CCDC102B: variants seen among roughly 807,000 people sequenced by gnomAD.
The protein encoded by CCDC102B is coiled-coil domain containing 102B, also known as coiled-coil domain-containing protein 102B.
A neutral mutation model predicts 57.4 loss-of-function variants in CCDC102B; 75 were observed. That is an observed-to-expected ratio of 1.31 (90% confidence interval 1.08 to 1.58). The LOEUF (loss-of-function observed/expected upper bound fraction) is 1.58, where lower values mean the gene tolerates loss of function less well. Among genes scored for constraint, CCDC102B ranks in the 40% most tolerant of loss-of-function variants. The probability of loss-of-function intolerance (pLI) is 0.00; values close to 1 mark genes in which losing one functional copy is unlikely to be tolerated. For synonymous variants in CCDC102B, 206 were observed against 201.9 expected, an observed-to-expected ratio of 1.02 and a Z score of -0.17; for missense variants, 636 against 582.6, an observed-to-expected ratio of 1.09 and a Z score of -0.94.
chr18:69,034,648 G>A (rs1440975499), intron 7 of CCDC102B, among the ~76,000 whole-genome samples: 2 of 151,654 alleles, frequency 1.3e-5, no homozygotes, highest in Non-Finnish European at 2.9e-5. Flanking sequence ...ATTAACAAAT[G>A]TGAGTTATCC....
intron 6 of CCDC102B, among the ~76,000 whole-genome samples, chr18:68,978,473 C>A (rs186320921): frequency 6.8e-4 from 103 of 151,996 alleles, no homozygotes; most frequent in African/African-American, 2.4e-3. Flanking sequence ...TAGGGTAAGA[C>A]TTTAGGTGTC....
At chr18:68,830,025 T>A (rs547924134) in intron 1 of CCDC102B, among the ~76,000 whole-genome samples, 43 of 152,130 alleles carry the variant, frequency 2.8e-4, no homozygotes, top group African/African-American at 1.0e-3. Flanking sequence ...AATTATTTCA[T>A]AGAGTGATTT....
At chr18:68,930,298 A>T (rs924498857) in intron 6 of CCDC102B, among the ~76,000 whole-genome samples, 7 of 149,860 alleles carry the variant, frequency 4.7e-5, no homozygotes, top group African/African-American at 1.7e-4. Context: ...TAATACATAC[A>T]TATACTACGT....
chr18:68,756,718 G>A (rs2034063347), intron 2 of CCDC102B, among the ~76,000 whole-genome samples: 1 of 152,142 alleles, frequency 6.6e-6, no homozygotes, highest in Admixed American at 6.5e-5. Context: ...AGGTATTGAA[G>A]TATTACTTCT....
intron 1 of CCDC102B, 48 bp downstream of exon 1, chr18:68,798,229 T>C (rs2035703133): frequency 6.6e-6 from 1 of 152,154 alleles, no homozygotes; most frequent in African/African-American, 2.4e-5. Flanking sequence ...TTTTTATATT[T>C]TCCTGCTGAG....
At chr18:68,742,834 C>G (rs2033448743) in intron 2 of CCDC102B, among the ~76,000 whole-genome samples, 1 of 152,130 alleles carries the variant, frequency 6.6e-6, no homozygotes, top group African/African-American at 2.4e-5. Flanking sequence ...CAGTAATCAT[C>G]TTTGAACTCT....
intron 6 of CCDC102B, chr18:68,907,937 T>C (rs1183542653): frequency 6.6e-6 from 1 of 152,228 alleles, no homozygotes; most frequent in Non-Finnish European, 1.5e-5. Flanking sequence ...ATATGTCATC[T>C]ACTATGTTGA....
At chr18:68,921,877 G>A (rs4891350) in intron 6 of CCDC102B, among the ~76,000 whole-genome samples, 42,713 of 152,026 alleles carry the variant, frequency 0.28, 7,003 homozygotes, top group Non-Finnish European at 0.37. Context: ...TAATAAATTT[G>A]TATTGTTTAA....
chr18:68,772,560 A>G (rs1310215382), intron 2 of CCDC102B, among the ~76,000 whole-genome samples: 2 of 152,128 alleles, frequency 1.3e-5, no homozygotes, highest in Non-Finnish European at 2.9e-5. Flanking sequence ...CTGGACTCTT[A>G]AGAAACGAGA....
At position 68,857,294 on chromosome 18, in the gene CCDC102B, T is replaced by TTAA. The variant is rs1568292941; in HGVS notation, c.936+10873_936+10874insTAA. Among the ~76,000 whole-genome samples the TTAA allele has an allele frequency of 3.1e-4, 5 of 16,276 alleles. 1 individual carries two copies. The highest frequency in any genetic ancestry group is 1.2e-3 in the African/African-American group (5 of 4,194). 10.7% of individuals were successfully genotyped at this position (16,276 alleles called of 152,430 possible). A position where few individuals can be genotyped will look rare whatever the true frequency, so the allele number is the denominator to read the frequency against. ...ATATATATAATATATATTTATATAT[T>TTAA]ATATATATAATATATATTTATATAT... On this transcript the variant is annotated intron_variant, in intron 4 of 7. Coordinates refer to ENST00000360242, the MANE Select transcript of CCDC102B (RefSeq NM_024781.3).
At chr18:68,856,873 A>G (rs374427240) in intron 4 of CCDC102B, among the ~76,000 whole-genome samples, 2 of 149,820 alleles carry the variant, frequency 1.3e-5, no homozygotes, top group African/African-American at 2.5e-5. Context: ...TGTTTTTTAT[A>G]TATACACATA....
At chr18:68,738,263 G>A (rs1414294306) in intron 2 of CCDC102B, among the ~76,000 whole-genome samples, 3 of 152,056 alleles carry the variant, frequency 2.0e-5, no homozygotes, top group Non-Finnish European at 4.4e-5. Flanking sequence ...GATCCTATGT[G>A]AGCAGAGTAG....
intron 2 of CCDC102B, among the ~76,000 whole-genome samples, chr18:68,790,202 T>G (rs1330847601): frequency 3.3e-5 from 5 of 151,364 alleles, no homozygotes; most frequent in East Asian, 1.9e-4. Context: ...GATCTCCAGC[T>G]GTGTGCTGGG....
chr18:68,902,326 G>A (rs1262820505), intron 6 of CCDC102B: 3 of 152,104 alleles, frequency 2.0e-5, no homozygotes, highest in Non-Finnish European at 4.4e-5. Flanking sequence ...TCAAGCTCAT[G>A]TTCCTGTAAG....
intron 2 of CCDC102B, among the ~76,000 whole-genome samples, chr18:68,784,255 C>A (rs1357472728): frequency 1.3e-5 from 2 of 152,080 alleles, no homozygotes; most frequent in East Asian, 1.9e-4. Context: ...AGCTTCCAGT[C>A]ATGGCAGAAG....
rs1486908525 is a variant in CCDC102B, at chr18:68,956,470, T to TA, written c.1264-54463dup. On this transcript the variant is annotated intron_variant, in intron 6 of 7. Coordinates refer to ENST00000360242, the MANE Select transcript of CCDC102B (RefSeq NM_024781.3). ...ATATATATTATATATTTTATATATA[T>TA]ATTATATATATATAATATATATATA... 2.7e-4 allele frequency among the ~76,000 whole-genome samples: 19 copies of TA among 71,392 alleles called. 4 individuals carry two copies. Among genetic ancestry groups the TA allele is most frequent in the African/African-American group, 1.6e-3 (18 of 11,416 alleles). The allele number at this position is 71,392 out of a possible 152,430, so 46.8% of individuals were successfully genotyped here.
intron 6 of CCDC102B, among the ~76,000 whole-genome samples, chr18:68,936,747 A>G (rs2049248127): frequency 7.3e-5 from 2 of 27,496 alleles, no homozygotes; most frequent in African/African-American, 1.2e-4. Flanking sequence ...GACAACTTTC[A>G]TATATATATA....
At chr18:69,027,487 T>C (rs148778223) in intron 7 of CCDC102B, among the ~76,000 whole-genome samples, 6 of 152,312 alleles carry the variant, frequency 3.9e-5, no homozygotes, top group African/African-American at 1.4e-4. Flanking sequence ...AAATTTTCCA[T>C]ATGCAACAGG....
chr18:68,923,179 T>C (rs545640073), intron 6 of CCDC102B, among the ~76,000 whole-genome samples: 1 of 151,872 alleles, frequency 6.6e-6, no homozygotes, highest in East Asian at 1.9e-4. Context: ...GTTTTTTTTT[T>C]ACCATTCTGT....
Sources: gnomAD v4.1 joint callset for allele counts (sites outside exome capture counted in the v4.1 genomes callset) on GRCh38, gnomAD v4.1.1 for gene constraint, MANE v1.5 for transcripts, NCBI Gene and HGNC (gene_info 2026-07-23, HGNC 2026-07-21) for gene names.